MCPH1: variants seen among roughly 807,000 people sequenced by gnomAD.
MCPH1 encodes microcephalin 1.
A neutral mutation model predicts 84.5 loss-of-function variants in MCPH1; 104 were observed. That is an observed-to-expected ratio of 1.23 (90% CI 1.05 to 1.45). The LOEUF is 1.45. MCPH1 is among the 40% of genes most tolerant of loss of function. The probability of loss-of-function intolerance (pLI) is 0.00; values close to 1 mark genes in which losing one functional copy is unlikely to be tolerated. For missense variants in MCPH1, 1,498 were observed against 1,005.7 expected, an observed-to-expected ratio of 1.49 and a Z score of -6.62; for synonymous variants, 514 against 366.8, an observed-to-expected ratio of 1.40 and a Z score of -4.58.
rs544354918 is a variant in MCPH1, at chr8:6,547,287, G to A, written c.2214+47358G>A. Reference sequence around the variant, plus strand: ...TCAGTGTGATTCTCCAAATGCTTGTGGTAAAAGTACAGAGACTTGAATCAT... The same window carrying A: ...TCAGTGTGATTCTCCAAATGCTTGTAGTAAAAGTACAGAGACTTGAATCAT... On this transcript the variant is annotated intron_variant, in intron 12 of 13. Coordinates refer to ENST00000344683, the MANE Select transcript of MCPH1 (RefSeq NM_024596.5). Among the ~76,000 whole-genome samples, 3 of 152,112 alleles carry A rather than the reference G, an allele frequency of 2.0e-5. No individual in the cohort carries two copies. In the South Asian group the frequency reaches 6.2e-4, roughly 32 times the overall value.
rs186067689 is a variant in MCPH1, at chr8:6,613,600, G to A, written c.2215-7854G>A. The stretch of plus-strand genomic sequence containing the variant: ...GCTGCAAGGGATTCTGCAGTTCCCC[G>A]GGGAGACAGGAGCCCAAGGGACCGG... On this transcript the variant is annotated intron_variant, in intron 12 of 13. Transcript: ENST00000344683. Among the ~76,000 whole-genome samples the A allele has an allele frequency of 1.2e-4, 19 of 152,126 alleles. 1 individual carries two copies. Among genetic ancestry groups the A allele is most frequent in the Admixed American group, 1.2e-3 (19 of 15,284 alleles).
chr8:6,408,344 C>T (rs1011175596), intron 1 of MCPH1, among the ~76,000 whole-genome samples: 2 of 151,726 alleles, frequency 1.3e-5, no homozygotes, highest in East Asian at 3.9e-4. Context: ...TAACTTGGGA[C>T]TACAGGCACT....
At chr8:6,425,017 T>G (rs1471532128) in intron 3 of MCPH1, among the ~76,000 whole-genome samples, 3 of 152,320 alleles carry the variant, frequency 2.0e-5, no homozygotes, top group Admixed American at 2.0e-4. Flanking sequence ...GCTGGGCAGT[T>G]TGGCACAAGA....
At chr8:6,460,543 C>A (rs1021652585) in intron 9 of MCPH1, among the ~76,000 whole-genome samples, 1 of 152,024 alleles carries the variant, frequency 6.6e-6, no homozygotes, top group Admixed American at 6.6e-5. Context: ...ATTTCCAGTT[C>A]TCTGTCAAAA....
intron 12 of MCPH1, among the ~76,000 whole-genome samples, chr8:6,505,048 A>G (rs1484783530): frequency 1.3e-5 from 2 of 151,470 alleles, no homozygotes; most frequent in Non-Finnish European, 2.9e-5. Context: ...ATATCTCCAT[A>G]TGTAGGAAAA....
chr8:6,526,630 A>C (rs1427049679), intron 12 of MCPH1, among the ~76,000 whole-genome samples: 1 of 152,234 alleles, frequency 6.6e-6, no homozygotes, highest in Non-Finnish European at 1.5e-5. Context: ...GGACAGAAAG[A>C]ATTATTTCAG....
At chr8:6,560,776 A>G (rs1425740234) in intron 12 of MCPH1, among the ~76,000 whole-genome samples, 1 of 152,220 alleles carries the variant, frequency 6.6e-6, no homozygotes, top group Non-Finnish European at 1.5e-5. Context: ...TGTTATCTCA[A>G]AGACCCAAGA....
chr8:6,496,672 A>G (rs963170992), intron 11 of MCPH1, among the ~76,000 whole-genome samples: 1 of 152,152 alleles, frequency 6.6e-6, no homozygotes, highest in Non-Finnish European at 1.5e-5. Flanking sequence ...GAAATTTGGA[A>G]TAAATGTAGT....
At chr8:6,468,542 A>G (rs1359017797) in intron 9 of MCPH1, among the ~76,000 whole-genome samples, 1 of 152,194 alleles carries the variant, frequency 6.6e-6, no homozygotes, top group African/African-American at 2.4e-5. Context: ...AGTGTTAGAT[A>G]CCGAGTTTGC....
intron 12 of MCPH1, among the ~76,000 whole-genome samples, chr8:6,574,058 C>T (rs957230545): frequency 1.3e-5 from 2 of 152,154 alleles, no homozygotes; most frequent in Non-Finnish European, 2.9e-5. Flanking sequence ...AATAAACACA[C>T]AAGAAAACAT....
At chr8:6,602,660 GGTTT>G (rs1829462908) in intron 12 of MCPH1, among the ~76,000 whole-genome samples, 1 of 151,898 alleles carries the variant, frequency 6.6e-6, no homozygotes, top group African/African-American at 2.4e-5. Flanking sequence ...TGGCTGGTTG[GGTTT>G]GTTGCTTTCC....
intron 12 of MCPH1, among the ~76,000 whole-genome samples, chr8:6,538,721 T>C (rs1001449950): frequency 2.0e-5 from 3 of 152,316 alleles, no homozygotes; most frequent in Admixed American, 6.5e-5. Flanking sequence ...ATTTGTGTCA[T>C]TTCATTTTAA....
chr8:6,597,436 T>C (rs927331121), intron 12 of MCPH1, among the ~76,000 whole-genome samples: 1 of 152,140 alleles, frequency 6.6e-6, no homozygotes, highest in African/African-American at 2.4e-5. Context: ...CAAATATGTC[T>C]TGTAAGATGA....
chr8:6,425,681 C>T lies in MCPH1; in HGVS notation c.234-5818C>T, dbSNP rs1460162196. 2.6e-5 allele frequency among the ~76,000 whole-genome samples: 4 copies of T among 152,326 alleles called. No individual in the cohort carries two copies. In the South Asian group the frequency reaches 8.3e-4, roughly 32 times the overall value. The stretch of plus-strand genomic sequence containing the variant: ...ACACGTTTTCCTGGGTTGAATCAAG[C>T]CCTTCCTTAAACTGCTAACTTAAAG... On this transcript the variant is annotated intron_variant, in intron 3 of 13. Transcript: ENST00000344683.
chr8:6,573,202 G>A (rs936019987), intron 12 of MCPH1, among the ~76,000 whole-genome samples: 2 of 152,186 alleles, frequency 1.3e-5, no homozygotes, highest in Non-Finnish European at 2.9e-5. Flanking sequence ...TGGGGCGGGG[G>A]AGTGTCCTGA....
At chr8:6,609,385 A>C (rs527670537) in intron 12 of MCPH1, among the ~76,000 whole-genome samples, 2 of 152,322 alleles carry the variant, frequency 1.3e-5, no homozygotes, top group South Asian at 4.1e-4. Flanking sequence ...CATGAAATCC[A>C]GATTTATGAC....
chr8:6,625,131 TC>T, intron 13 of MCPH1: 1 of 946,398 alleles, frequency 1.1e-6, no homozygotes, highest in Non-Finnish European at 1.3e-6. Flanking sequence ...TGCCTCGGCC[TC>T]CCAAAGTGCT....
chr8:6,468,492 G>A (rs887361770), intron 9 of MCPH1, among the ~76,000 whole-genome samples: 5 of 152,202 alleles, frequency 3.3e-5, no homozygotes, highest in Non-Finnish European at 5.9e-5. Flanking sequence ...TCCACAAGGA[G>A]CAAGGAGCTA....
At chr8:6,621,782 A>G in intron 13 of MCPH1, 91 bp downstream of exon 13, 2 of 1,560,474 alleles carry the variant, frequency 1.3e-6, no homozygotes, top group Non-Finnish European at 1.8e-6. Flanking sequence ...ACCCCCTTCC[A>G]CGCAGCTGGG....
Sources: gnomAD v4.1 joint callset for allele counts (sites outside exome capture counted in the v4.1 genomes callset) on GRCh38, gnomAD v4.1.1 for gene constraint, MANE v1.5 for transcripts, NCBI Gene and HGNC (gene_info 2026-07-23, HGNC 2026-07-21) for gene names.